CUX2: variants seen among roughly 807,000 people sequenced by gnomAD.
CUX2 encodes the protein homeobox protein cut-like 2.
CUX2 carries 40 observed loss-of-function variants against 144.8 expected under a neutral mutation model. The ratio of observed to expected loss-of-function variants is 0.28; its 90% CI spans 0.21 to 0.36. The LOEUF (loss-of-function observed/expected upper bound fraction) is 0.36. Ranked by LOEUF, CUX2 falls within the 10% of genes least tolerant of loss-of-function variation. The pLI, the probability that CUX2 is intolerant of heterozygous loss-of-function variation, is 1.00. For synonymous variants in CUX2, 827 were observed against 875.6 expected (o/e 0.94, Z 0.98); for missense variants, 1,615 against 1,994.0 (o/e 0.81, Z 3.62).
intron 14 of CUX2, 60 bp from the exon 15 acceptor site, chr12:111,309,981 C>G: frequency 7.9e-7 from 1 of 1,260,502 alleles, no homozygotes; most frequent in South Asian, 3.5e-5. Flanking sequence ...CCCTGTCTCT[C>G]TCTCCCCTCA....
At chr12:111,049,409 A>G (rs1870159286) in intron 1 of CUX2, among the ~76,000 whole-genome samples, 1 of 152,230 alleles carries the variant, frequency 6.6e-6, no homozygotes, top group Non-Finnish European at 1.5e-5. Flanking sequence ...AGGAATGTAA[A>G]GATGAAAAGA....
chr12:111,172,534 T>C (rs893542310), intron 1 of CUX2, among the ~76,000 whole-genome samples: 8 of 152,204 alleles, frequency 5.3e-5, no homozygotes, highest in Non-Finnish European at 8.8e-5. Context: ...TTTGTCTTGA[T>C]GGAAATGGCT....
chr12:111,186,473 G>A lies in CUX2; in HGVS notation c.64-27727G>A, dbSNP rs1173383509. ...AGGCGGGGAACAGGGGAGCGGGAAG[G>A]GCACACGCGCAGGTCCTGAGGTCGG... On this transcript the variant is annotated intron_variant, in intron 1 of 21. Transcript: ENST00000261726. This position sits in a 1 kb window ranked among gnomAD's most constrained non-coding sequence, Gnocchi z 4.4. Among the ~76,000 whole-genome samples the A allele has an allele frequency of 6.6e-6, 1 of 152,216 alleles. No individual in the cohort carries two copies. Among genetic ancestry groups the A allele is most frequent in the African/African-American group, 2.4e-5 (1 of 41,470 alleles).
chr12:111,048,196 G>A (rs751647184), intron 1 of CUX2, among the ~76,000 whole-genome samples: 2 of 152,186 alleles, frequency 1.3e-5, no homozygotes, highest in African/African-American at 2.4e-5. Flanking sequence ...CGGGAGAAAC[G>A]AGATCCAATT....
chr12:111,179,076 GAGATC>G (rs2136177787), intron 1 of CUX2, among the ~76,000 whole-genome samples: 1 of 152,308 alleles, frequency 6.6e-6, no homozygotes. Context: ...CTACCGCACA[GAGATC>G]AGACTGGACA....
intron 1 of CUX2, among the ~76,000 whole-genome samples, chr12:111,191,115 G>T (rs1307966072): frequency 1.3e-5 from 2 of 152,134 alleles, no homozygotes; most frequent in Non-Finnish European, 2.9e-5. Context: ...CACAGATCTT[G>T]TGTACCAGGC....
chr12:111,218,020 C>A, intron 3 of CUX2, 83 bp downstream of exon 3: 2 of 1,414,040 alleles, frequency 1.4e-6, no homozygotes, highest in Non-Finnish European at 2.0e-6. Flanking sequence ...CCCAGGGGGG[C>A]CAGCAGCCTC....
rs370950366 is a variant in CUX2, at chr12:111,310,585, C to T, written c.1803C>T (p.Leu601=). The T allele has an allele frequency of 6.2e-7, 1 of 1,613,754 alleles. No individual in the cohort carries two copies. Among genetic ancestry groups the T allele is most frequent in the African/African-American group, 1.3e-5 (1 of 74,956 alleles). Reference sequence around the variant, plus strand: ...CCCGGCCCAAGCCCTGGCGCAAGCTCACGGTGAAGGGCAAGGAGCCCTTCA... The same window carrying T: ...CCCGGCCCAAGCCCTGGCGCAAGCTTACGGTGAAGGGCAAGGAGCCCTTCA... ...ILARPKPWRK[L]TVKGKEPFIK... The change falls in exon 15 of 22, where the codon CTC becomes CTT. Residue 601 remains leucine (L), a synonymous_variant. Coordinates refer to ENST00000261726, the MANE Select transcript of CUX2 (RefSeq NM_015267.4). The surrounding 1 kb of genome is among the most constrained non-coding windows in gnomAD (Gnocchi z 7.9).
intron 3 of CUX2, among the ~76,000 whole-genome samples, chr12:111,262,197 G>T (rs1327543755): frequency 1.3e-5 from 2 of 152,172 alleles, no homozygotes; most frequent in African/African-American, 4.8e-5. Context: ...AGTCCCATAA[G>T]GGTGGGACAT....
chr12:111,172,920 G>A (rs1878634421), intron 1 of CUX2, among the ~76,000 whole-genome samples: 2 of 152,258 alleles, frequency 1.3e-5, no homozygotes, highest in South Asian at 4.1e-4. Context: ...TCCAAGAGCT[G>A]AGCAAACTGC....
intron 1 of CUX2, among the ~76,000 whole-genome samples, chr12:111,096,131 G>GC (rs1232147741): frequency 1.3e-5 from 2 of 152,184 alleles, no homozygotes; most frequent in Admixed American, 6.5e-5. Context: ...GTGCCACCGA[G>GC]CCCCCCATCA....
chr12:111,066,092 C>T (rs1457942781), intron 1 of CUX2, among the ~76,000 whole-genome samples: 1 of 152,214 alleles, frequency 6.6e-6, no homozygotes, highest in Admixed American at 6.5e-5. Context: ...TCCACATACT[C>T]GCTGAGTGTG....
In CUX2 at chr12:111,347,581, T is replaced by G. The variant is rs1380420386; in HGVS notation, c.3717T>G (p.Asp1239Glu). The change falls in exon 22 of 22, where the codon GAT (aspartate) becomes GAG (glutamate). Residue 1239 changes from aspartate to glutamate, a missense_variant. Physicochemically the swap from Asp to Glu is conservative, Grantham distance 45. This residue lies in a region of CUX2 where 298 missense variants were observed against 330.4 expected (regional missense o/e 0.90). Coordinates refer to ENST00000261726, the MANE Select transcript of CUX2 (RefSeq NM_015267.4). ...GGACCCAGGATGAGCCAGACCTTGA[T>G]CCAAGCGGGGGTCCTGGAATCCTAC... is the stretch of plus-strand genomic sequence containing the variant. ...VEGTQDEPDL[D>E]PSGGPGILPP... is the part of the protein sequence containing the mutation. The G allele has an allele frequency of 1.2e-6, 2 of 1,612,710 alleles. No individual in the cohort carries two copies. The highest frequency in any genetic ancestry group is 1.7e-6 in the Non-Finnish European group (2 of 1,179,588).
At chr12:111,266,715 T>C (rs925828110) in intron 4 of CUX2, among the ~76,000 whole-genome samples, 1 of 152,178 alleles carries the variant, frequency 6.6e-6, no homozygotes, top group Non-Finnish European at 1.5e-5. Context: ...TAAGTGTCTG[T>C]TGTTTTCAGC....
chr12:111,253,284 G>A (rs1883656073), intron 3 of CUX2, among the ~76,000 whole-genome samples: 2 of 147,054 alleles, frequency 1.4e-5, no homozygotes, highest in South Asian at 4.3e-4. Context: ...CCCTCGCAGT[G>A]ACCCCCAGGG....
intron 1 of CUX2, among the ~76,000 whole-genome samples, chr12:111,159,314 GTT>G (rs35677857): frequency 2.4e-5 from 3 of 123,914 alleles, no homozygotes; most frequent in Admixed American, 1.5e-4. Flanking sequence ...ATGCCCAGCT[GTT>G]TTTTTTTTTT....
intron 1 of CUX2, among the ~76,000 whole-genome samples, chr12:111,121,864 A>G (rs1314399694): frequency 6.6e-6 from 1 of 151,690 alleles, no homozygotes; most frequent in African/African-American, 2.4e-5. Flanking sequence ...TGCCTTTCCA[A>G]ATTCTTAGGT....
At position 111,160,220 on chromosome 12, in the gene CUX2, T is replaced by C. The variant is rs937160465; in HGVS notation, c.64-53980T>C. 9.2e-5 allele frequency among the ~76,000 whole-genome samples: 14 copies of C among 152,142 alleles called. No homozygotes were observed. The highest frequency in any genetic ancestry group is 2.9e-4 in the African/African-American group (12 of 41,438). ...TGCTAAGCATGTCAACAAGTTGTGA[T>C]AGAAGAATTACAAATTGTGATTCTG... On this transcript the variant is annotated intron_variant, in intron 1 of 21. Transcript: ENST00000261726. This position sits in a 1 kb window ranked among gnomAD's most constrained non-coding sequence, Gnocchi z 4.1.
At position 111,112,105 on chromosome 12, in the gene CUX2, G is replaced by A. The variant is rs1028446712; in HGVS notation, c.63+77865G>A. On this transcript the variant is annotated intron_variant, in intron 1 of 21. Transcript: ENST00000261726. ...AGTGGTTGCTCAGGACTTGGGTGAGGGATCGAGGTCTGTGGCCAATTGATC... is the reference window on the plus strand; with the variant it reads ...AGTGGTTGCTCAGGACTTGGGTGAGAGATCGAGGTCTGTGGCCAATTGATC... 3.9e-5 allele frequency among the ~76,000 whole-genome samples: 6 copies of A among 152,248 alleles called. No homozygotes were observed. In the South Asian group the frequency reaches 8.3e-4, roughly 21 times the overall value.
Sources: gnomAD v4.1 joint callset for allele counts (sites outside exome capture counted in the v4.1 genomes callset) on GRCh38, gnomAD v4.1.1 for gene constraint, gnomAD v4.1.1 regional missense constraint, Gnocchi (gnomAD v3.1) non-coding constraint, MANE v1.5 for transcripts, NCBI Gene and HGNC (gene_info 2026-07-23, HGNC 2026-07-21) for gene names.